The following EXOC6B variants were observed in gnomAD, a reference collection of about 807,000 sequenced individuals.
EXOC6B encodes SEC15 homolog B.
A neutral mutation model predicts 113.5 loss-of-function variants in EXOC6B; 54 were observed. The observed-to-expected ratio is 0.48, with a 90% confidence interval of 0.38 to 0.60. The LOEUF (loss-of-function observed/expected upper bound fraction) is 0.60, where lower values mean the gene tolerates loss of function less well. Ranked by LOEUF, EXOC6B falls within the 20% of genes least tolerant of loss-of-function variation. The probability of loss-of-function intolerance (pLI) is 0.00; values close to 1 mark genes in which losing one functional copy is unlikely to be tolerated. For synonymous variants in EXOC6B, 357 were observed against 339.0 expected, an observed-to-expected ratio of 1.05 and a Z score of -0.58; for missense variants, 797 against 977.5, an observed-to-expected ratio of 0.82 and a Z score of 2.46.
chr2:72,389,010 A>C (rs1692216218), intron 18 of EXOC6B, among the ~76,000 whole-genome samples: 1 of 152,080 alleles, frequency 6.6e-6, no homozygotes, highest in South Asian at 2.1e-4. Context: ...AGAGTAATAA[A>C]TCTCTGCCAT....
chr2:72,345,772 T>C (rs1251488640), intron 19 of EXOC6B, among the ~76,000 whole-genome samples: 3 of 152,188 alleles, frequency 2.0e-5, no homozygotes, highest in Non-Finnish European at 1.5e-5. Flanking sequence ...ACTATATATT[T>C]GTCCAAGCCC....
chr2:72,335,171 T>G lies in EXOC6B; in HGVS notation c.2123-151A>C, dbSNP rs940641713. 1.5e-5 allele frequency: 10 copies of G among 657,544 alleles called. No homozygotes were observed. The African/African-American group carries it at 1.6e-4, about 11-fold the overall frequency. 40.7% of individuals were successfully genotyped at this position (657,544 alleles called of 1,614,324 possible). On this transcript the variant is annotated intron_variant, in intron 19 of 21. Transcript: ENST00000272427. ...TCTCTCTCCCTTCAGCTTCTTTGTTTGCCCTTCAAAATTCGTGTCATCAAA... is the reference window on the plus strand; with the variant it reads ...TCTCTCTCCCTTCAGCTTCTTTGTTGGCCCTTCAAAATTCGTGTCATCAAA...
At chr2:72,321,381 A>C (rs554337245) in intron 20 of EXOC6B, among the ~76,000 whole-genome samples, 5 of 152,126 alleles carry the variant, frequency 3.3e-5, no homozygotes, top group Non-Finnish European at 5.9e-5. Context: ...CTAAAAATAC[A>C]AGAATTAGCT....
At chr2:72,557,863 A>G (rs770461734) in intron 8 of EXOC6B, among the ~76,000 whole-genome samples, 1 of 152,280 alleles carries the variant, frequency 6.6e-6, no homozygotes, top group Middle Eastern at 3.4e-3. Context: ...ATTTTTGTTA[A>G]AAGTGTCCGA....
chr2:72,512,837 T>C (rs1276171159), intron 11 of EXOC6B, among the ~76,000 whole-genome samples: 1 of 151,986 alleles, frequency 6.6e-6, no homozygotes, highest in Non-Finnish European at 1.5e-5. Flanking sequence ...TAGGGTTGTA[T>C]TGAGGATGAA....
At chr2:72,390,305 CT>C (rs1261565924) in intron 18 of EXOC6B, among the ~76,000 whole-genome samples, 1 of 151,900 alleles carries the variant, frequency 6.6e-6, no homozygotes, top group African/African-American at 2.4e-5. Flanking sequence ...ATTTTATTAC[CT>C]TTAAATATTG....
chr2:72,713,498 T>C (rs1032753314), intron 6 of EXOC6B, among the ~76,000 whole-genome samples: 1 of 152,070 alleles, frequency 6.6e-6, no homozygotes. Flanking sequence ...TAGTTACATA[T>C]GTATACATGT....
At chr2:72,597,058 C>A (rs1670117198) in intron 6 of EXOC6B, among the ~76,000 whole-genome samples, 1 of 149,592 alleles carries the variant, frequency 6.7e-6, no homozygotes, top group Admixed American at 6.6e-5. Context: ...AACCCTATAT[C>A]CAATACCCTT....
chr2:72,585,983 A>C (rs1166903298), intron 6 of EXOC6B, among the ~76,000 whole-genome samples: 1 of 152,176 alleles, frequency 6.6e-6, no homozygotes, highest in Non-Finnish European at 1.5e-5. Flanking sequence ...CAGTCGACAA[A>C]AATAAGCAAT....
intron 6 of EXOC6B, among the ~76,000 whole-genome samples, chr2:72,585,244 T>C (rs182898933): frequency 1.2e-4 from 18 of 152,130 alleles, no homozygotes; most frequent in Non-Finnish European, 2.4e-4. Flanking sequence ...ACTAGATTAA[T>C]AGATTATGAG....
chr2:72,506,485 G>A (rs1047525441), intron 11 of EXOC6B, among the ~76,000 whole-genome samples: 4 of 152,222 alleles, frequency 2.6e-5, no homozygotes, highest in Middle Eastern at 3.4e-3. Context: ...TTACCTCAAC[G>A]AAAAGGCAGC....
chr2:72,421,182 T>C (rs1313708649), intron 18 of EXOC6B, among the ~76,000 whole-genome samples: 1 of 152,254 alleles, frequency 6.6e-6, no homozygotes, highest in Non-Finnish European at 1.5e-5. Context: ...TCCCATTCTC[T>C]AGGTTGCCTG....
rs34485150 is a variant in EXOC6B at position 72,254,494 on chromosome 2, CT to C, written c.2197-70308del. On this transcript the variant is annotated intron_variant, in intron 20 of 21. Coordinates refer to ENST00000272427, the MANE Select transcript of EXOC6B (RefSeq NM_015189.3). ...TCCAGACCTGTGAGGGAATAAATTT[CT>C]TTTGTTTTAAGCCACCAAGTTTATA... Among the ~76,000 whole-genome samples, 12 of 152,248 alleles carry C rather than the reference CT, an allele frequency of 7.9e-5. 1 individual carries two copies. The South Asian group carries it at 2.5e-3, about 32-fold the overall frequency.
At chr2:72,471,635 C>A (rs1017639007) in intron 17 of EXOC6B, among the ~76,000 whole-genome samples, 1 of 151,982 alleles carries the variant, frequency 6.6e-6, no homozygotes, top group African/African-American at 2.4e-5. Context: ...AATGAAAGAT[C>A]GTATCATCAG....
intron 1 of EXOC6B, among the ~76,000 whole-genome samples, chr2:72,815,497 A>G: frequency 6.7e-6 from 1 of 148,890 alleles, no homozygotes; most frequent in Non-Finnish European, 1.5e-5. Context: ...GTTTCAAAAA[A>G]AAAAAAAAGA....
intron 18 of EXOC6B, among the ~76,000 whole-genome samples, chr2:72,449,085 G>A (rs2105355045): frequency 6.6e-6 from 1 of 152,310 alleles, no homozygotes; most frequent in African/African-American, 2.4e-5. Flanking sequence ...AAAGCTTTTG[G>A]AAATCTCCAG....
chr2:72,525,270 A>C (rs535780855), intron 8 of EXOC6B, among the ~76,000 whole-genome samples: 1 of 152,356 alleles, frequency 6.6e-6, no homozygotes, highest in African/African-American at 2.4e-5. Flanking sequence ...ATATTTTAAC[A>C]AAGAGTCTTT....
At chr2:72,414,947 T>G (rs563662680) in intron 18 of EXOC6B, among the ~76,000 whole-genome samples, 1 of 152,182 alleles carries the variant, frequency 6.6e-6, no homozygotes, top group Non-Finnish European at 1.5e-5. Context: ...GGTTTCGCCA[T>G]GTTGCCTAGG....
intron 18 of EXOC6B, among the ~76,000 whole-genome samples, chr2:72,403,348 G>A (rs1425508072): frequency 6.6e-6 from 1 of 152,044 alleles, no homozygotes; most frequent in Admixed American, 6.5e-5. Context: ...CACTGAAGTG[G>A]CTCTAAATAA....
Sources: gnomAD v4.1 joint callset for allele counts (sites outside exome capture counted in the v4.1 genomes callset) on GRCh38, gnomAD v4.1.1 for gene constraint, MANE v1.5 for transcripts, NCBI Gene and HGNC (gene_info 2026-07-23, HGNC 2026-07-21) for gene names.